Variants in ZNF425 observed in about 807,000 individuals in gnomAD.
ZNF425 encodes zinc finger protein 425.
Under a neutral mutation model 17.0 loss-of-function variants are expected in ZNF425, and 21 were observed. That is an observed-to-expected ratio of 1.23 (90% CI 0.88 to 1.78). The LOEUF is 1.78. Among genes scored for constraint, ZNF425 ranks in the 40% most tolerant of loss-of-function variants. The probability of loss-of-function intolerance (pLI) is 0.00; values close to 1 mark genes in which losing one functional copy is unlikely to be tolerated. For missense variants in ZNF425, 868 were observed against 967.3 expected (o/e 0.90, Z 1.36); for synonymous variants, 433 against 384.1 (o/e 1.13, Z -1.49).
At chr7:149,115,117 T>G (rs1225975458) in intron 2 of ZNF425, among the ~76,000 whole-genome samples, 2 of 146,686 alleles carry the variant, frequency 1.4e-5, no homozygotes, top group Non-Finnish European at 3.0e-5. Flanking sequence ...TTTTTTTTTT[T>G]TTTTGTATTT....
chr7:149,118,710 G>T, intron 1 of ZNF425: 1 of 359,082 alleles, frequency 2.8e-6, no homozygotes, highest in African/African-American at 2.1e-5. Flanking sequence ...AGTTACTCAG[G>T]AAGCTGAGGC....
intron 1 of ZNF425, among the ~76,000 whole-genome samples, chr7:149,122,809 C>T (rs1478681893): frequency 6.6e-6 from 1 of 152,188 alleles, no homozygotes; most frequent in Non-Finnish European, 1.5e-5. Flanking sequence ...AGTCCTCCTG[C>T]CTCAGCCTCC....
chr7:149,103,481 GTAA>G lies in ZNF425; in HGVS notation c.*128_*130del. ...GATCCTCCCACCTGGGCCTCCCAAA[GTAA>G]TGGGATTACAGGCGGGAGCCACTGT... On this transcript the variant is annotated 3_prime_UTR_variant, in exon 4 of 4. Coordinates refer to ENST00000378061, the MANE Select transcript of ZNF425 (RefSeq NM_001001661.3). The G allele has an allele frequency of 8.1e-7, 1 of 1,229,918 alleles. No individual in the cohort carries two copies. The highest frequency in any genetic ancestry group is 1.5e-5 in the African/African-American group (1 of 65,864). 76.2% of individuals were successfully genotyped at this position (1,229,918 alleles called of 1,614,324 possible).
intron 1 of ZNF425, among the ~76,000 whole-genome samples, chr7:149,123,738 G>GCCAGGCTGGTCTGGAACTCCTGA: frequency 6.6e-6 from 1 of 151,780 alleles, no homozygotes; most frequent in South Asian, 2.1e-4. Context: ...CGCCATGTTG[G>GCCAGGCTGGTCTGGAACTCCTGA]CCAGGCTGGT....
intron 1 of ZNF425, among the ~76,000 whole-genome samples, chr7:149,119,200 C>T (rs1170299874): frequency 1.3e-5 from 2 of 150,648 alleles, no homozygotes; most frequent in African/African-American, 4.9e-5. Flanking sequence ...CAAAGTCTGA[C>T]TCCCAGGTTC....
At position 149,126,235 on chromosome 7, in the gene ZNF425, C is replaced by G; in HGVS notation, c.-22G>C. The G allele has an allele frequency of 1.2e-6, 2 of 1,609,842 alleles. No homozygotes were observed. Among genetic ancestry groups the G allele is most frequent in the Non-Finnish European group, 1.7e-6 (2 of 1,178,536 alleles). ...CCATGGCGGTTCCGCACGAACCGGCCCTGCCTGGCACGGCCTCCCCTCCGC... is the reference window on the plus strand; with the variant it reads ...CCATGGCGGTTCCGCACGAACCGGCGCTGCCTGGCACGGCCTCCCCTCCGC... On this transcript the variant is annotated 5_prime_UTR_variant, in exon 1 of 4. Transcript: ENST00000378061.
intron 2 of ZNF425, chr7:149,113,533 G>A (rs931066989): frequency 8.7e-4 from 131 of 151,422 alleles, no homozygotes; most frequent in Non-Finnish European, 1.5e-3. Flanking sequence ...GCAACATAGG[G>A]AGACCCCATT....
intron 2 of ZNF425, among the ~76,000 whole-genome samples, chr7:149,115,614 T>C (rs61521669): frequency 0.045 from 6,708 of 148,726 alleles, 502 homozygotes; most frequent in African/African-American, 0.16. Context: ...AGCTTGAAAC[T>C]GGGAGACAGA....
intron 2 of ZNF425, among the ~76,000 whole-genome samples, chr7:149,115,953 A>G (rs1317758691): frequency 6.6e-6 from 1 of 152,228 alleles, no homozygotes; most frequent in Non-Finnish European, 1.5e-5. Flanking sequence ...ACGGAAAATC[A>G]TTGGCAGGTA....
Position 149,105,074 on chromosome 7 carries a change from AC to A in ZNF425, c.796del (p.Val266LeufsTer24). The A allele has an allele frequency of 1.2e-6, 2 of 1,614,196 alleles. No individual in the cohort carries two copies. The highest frequency in any genetic ancestry group is 2.2e-5 in the South Asian group (2 of 91,090). Reference sequence around the variant, plus strand: ...GTAGGGCCGCTGGCCGGTGTGGACAACCTGATGAGTGACGAGGCTGCCCTTC... The same window carrying A: ...GTAGGGCCGCTGGCCGGTGTGGACAACTGATGAGTGACGAGGCTGCCCTTC... ...FLKGSLVTHQVVHTGQRPYPC... is the reference protein window; with the variant it reads ...FLKGSLVTHQXVHTGQRPYPC... On this transcript the variant is annotated frameshift_variant, in exon 4 of 4. Coordinates refer to ENST00000378061, the MANE Select transcript of ZNF425 (RefSeq NM_001001661.3). LOFTEE classifies it low-confidence loss of function (END_TRUNC).
chr7:149,122,210 G>A (rs1181516882), intron 1 of ZNF425, among the ~76,000 whole-genome samples: 2 of 151,790 alleles, frequency 1.3e-5, no homozygotes, highest in African/African-American at 4.8e-5. Context: ...GGGATTACAG[G>A]TGTGAGCCAC....
chr7:149,104,422 G>A lies in ZNF425; in HGVS notation c.1449C>T (p.Ser483=), dbSNP rs1414315697. Reference sequence around the variant, plus strand: ...GGACTCTGGTGTGGCAGGCGAGCTTGGAAGGCCGCGTGAAGCGCTTGCCGC... The same window carrying A: ...GGACTCTGGTGTGGCAGGCGAGCTTAGAAGGCCGCGTGAAGCGCTTGCCGC... ...AECGKRFTRP[S]KLACHTRVHD... is the part of the protein sequence containing the mutation. The change falls in exon 4 of 4, where the codon TCC becomes TCT. Residue 483 remains serine (S), a synonymous_variant. Transcript: ENST00000378061. This position sits in a 1 kb window ranked among gnomAD's most constrained non-coding sequence, Gnocchi z 4.3. 6.2e-7 allele frequency: 1 copy of A among 1,601,624 alleles called. No homozygotes were observed. The highest frequency in any genetic ancestry group is 8.5e-7 in the Non-Finnish European group (1 of 1,174,520).
intron 1 of ZNF425, among the ~76,000 whole-genome samples, chr7:149,125,194 T>C (rs1264406950): frequency 1.3e-5 from 2 of 152,160 alleles, no homozygotes; most frequent in Non-Finnish European, 2.9e-5. Flanking sequence ...AAGAATCAAA[T>C]GCAAATAAGG....
intron 1 of ZNF425, 125 bp downstream of exon 1, chr7:149,126,071 G>C: frequency 6.5e-7 from 1 of 1,538,046 alleles, no homozygotes; most frequent in Non-Finnish European, 8.9e-7. Context: ...AGCTCAGTCC[G>C]TGGGCCACTG....
intron 1 of ZNF425, among the ~76,000 whole-genome samples, chr7:149,124,007 C>G (rs1279023122): frequency 6.6e-6 from 1 of 151,044 alleles, no homozygotes; most frequent in East Asian, 1.9e-4. Context: ...ACCACCACAC[C>G]CGGCTAATTT....
At chr7:149,111,329 T>C (rs138571331) in intron 3 of ZNF425, among the ~76,000 whole-genome samples, 6,721 of 150,298 alleles carry the variant, frequency 0.045, 506 homozygotes, top group African/African-American at 0.15. Context: ...CGGTGGCTCA[T>C]GCCTGTAATC....
chr7:149,119,255 G>A (rs1012640016), intron 1 of ZNF425, among the ~76,000 whole-genome samples: 1 of 151,968 alleles, frequency 6.6e-6, no homozygotes, highest in Non-Finnish European at 1.5e-5. Context: ...GGGATTACGG[G>A]GTGTGCCACC....
intron 1 of ZNF425, among the ~76,000 whole-genome samples, chr7:149,119,534 C>T (rs905121183): frequency 6.6e-6 from 1 of 152,186 alleles, no homozygotes; most frequent in African/African-American, 2.4e-5. Context: ...CATATGCTCA[C>T]TCATGTAACC....
intron 2 of ZNF425, among the ~76,000 whole-genome samples, chr7:149,117,618 G>A (rs1395429480): frequency 2.1e-5 from 3 of 142,792 alleles, no homozygotes; most frequent in Non-Finnish European, 1.5e-5. Flanking sequence ...AAAAAAAAAG[G>A]GGCAATTAGA....
Sources: gnomAD v4.1 joint callset for allele counts (sites outside exome capture counted in the v4.1 genomes callset) on GRCh38, gnomAD v4.1.1 for gene constraint, Gnocchi (gnomAD v3.1) non-coding constraint, MANE v1.5 for transcripts, NCBI Gene and HGNC (gene_info 2026-07-23, HGNC 2026-07-21) for gene names.